ACVR1B: variants seen among roughly 807,000 people sequenced by gnomAD.
The protein encoded by ACVR1B is activin receptor type-1B.
In ACVR1B, 15 loss-of-function variants were observed where a neutral mutation model predicts 55.6. The ratio of observed to expected loss-of-function variants is 0.27; its 90% CI spans 0.18 to 0.42. The LOEUF is 0.42. ACVR1B is among the 10% of genes least tolerant of loss of function. ACVR1B has a pLI of 1.00. For missense variants in ACVR1B, 359 were observed against 670.1 expected (o/e 0.54, Z 5.13); for synonymous variants, 247 against 254.6 (o/e 0.97, Z 0.28).
intron 1 of ACVR1B, chr12:51,953,381 A>C: frequency 1.0e-6 from 1 of 985,406 alleles, no homozygotes; most frequent in Non-Finnish European, 1.2e-6. Flanking sequence ...TCACGGGCTA[A>C]TGCTTCTCCT....
chr12:51,989,707 C>T (rs747889962), intron 7 of ACVR1B, among the ~76,000 whole-genome samples: 1 of 152,038 alleles, frequency 6.6e-6, no homozygotes, highest in Admixed American at 6.6e-5. Flanking sequence ...AACATTAGGC[C>T]GGGCGCGGTG....
chr12:51,963,642 G>A (rs1161816865), intron 1 of ACVR1B, among the ~76,000 whole-genome samples: 3 of 152,136 alleles, frequency 2.0e-5, no homozygotes, highest in Non-Finnish European at 4.4e-5. Context: ...TCTTTTCAGG[G>A]CTGAATAATA....
At chr12:51,986,795 C>G in intron 6 of ACVR1B, 23 bp from the exon 7 acceptor site, 1 of 1,598,926 alleles carries the variant, frequency 6.3e-7, no homozygotes, top group Non-Finnish European at 8.5e-7. Flanking sequence ...CTGTGCGTGA[C>G]CATGTTTGTT....
At chr12:51,960,973 C>CTA (rs1941511233) in intron 1 of ACVR1B, among the ~76,000 whole-genome samples, 1 of 143,318 alleles carries the variant, frequency 7.0e-6, no homozygotes, top group Admixed American at 8.3e-5. Context: ...TGTCAATTTA[C>CTA]TCTGAACCCA....
intron 4 of ACVR1B, 141 bp downstream of exon 4, chr12:51,981,340 T>C: frequency 1.5e-6 from 1 of 672,500 alleles, no homozygotes; most frequent in Non-Finnish European, 2.4e-6. Context: ...TTTCCATGCT[T>C]TCCTTAAAGT....
At chr12:51,976,638 A>G (rs1941863370) in intron 3 of ACVR1B, 63 bp downstream of exon 3, 7 of 1,589,186 alleles carry the variant, frequency 4.4e-6, no homozygotes, top group African/African-American at 1.3e-5. Flanking sequence ...AGCAGGATAG[A>G]GTGCTTGTAG....
intron 1 of ACVR1B, among the ~76,000 whole-genome samples, chr12:51,952,162 G>C (rs954415849): frequency 1.3e-5 from 2 of 152,188 alleles, no homozygotes; most frequent in South Asian, 4.1e-4. Flanking sequence ...CCAAGATTTG[G>C]AGGTCCGTGG....
In ACVR1B at chr12:51,951,766, C is replaced by T. The variant is rs377440332; in HGVS notation, c.23C>T (p.Ser8Phe). The T allele has an allele frequency of 1.0e-5, 13 of 1,290,998 alleles. No individual in the cohort carries two copies. In the African/African-American group the frequency reaches 1.8e-4, roughly 18 times the overall value. 80.0% of individuals were successfully genotyped at this position (1,290,998 alleles called of 1,614,324 possible). MAESAGA[S>F]SFFPLVVLLL... is the part of the protein sequence containing the mutation. The stretch of plus-strand genomic sequence containing the variant: ...ACTATGGCGGAGTCGGCCGGAGCCT[C>T]CTCCTTCTTCCCCCTTGTTGTCCTC... The change falls in exon 1 of 9, where the codon TCC (serine) becomes TTC (phenylalanine). Residue 8 changes from serine (S) to phenylalanine (F), a missense_variant. Physicochemically the swap from Ser to Phe is radical, Grantham distance 155. Coordinates refer to ENST00000257963, the MANE Select transcript of ACVR1B (RefSeq NM_004302.5).
chr12:51,982,578 C>G (rs1448428272), intron 4 of ACVR1B: 1 of 1,277,178 alleles, frequency 7.8e-7, no homozygotes, highest in African/African-American at 1.5e-5. Flanking sequence ...GGAAGGGTCT[C>G]TCTAGCAGTT....
At chr12:51,958,145 A>G (rs1452921169) in intron 1 of ACVR1B, among the ~76,000 whole-genome samples, 1 of 152,204 alleles carries the variant, frequency 6.6e-6, no homozygotes, top group African/African-American at 2.4e-5. Flanking sequence ...TTTTGTTAGA[A>G]CTGTATACAA....
chr12:51,977,067 G>A (rs7298359), intron 3 of ACVR1B, among the ~76,000 whole-genome samples: 11,338 of 152,158 alleles, frequency 0.075, 1,183 homozygotes, highest in African/African-American at 0.23. Flanking sequence ...TTTTTGGTGG[G>A]GGTGAAAATA....
At chr12:51,955,020 A>G (rs1013963821) in intron 1 of ACVR1B, among the ~76,000 whole-genome samples, 1 of 152,194 alleles carries the variant, frequency 6.6e-6, no homozygotes, top group Non-Finnish European at 1.5e-5. Context: ...TACATCGTCG[A>G]CTAGGCAGCA....
chr12:51,994,751 C>T lies in ACVR1B; in HGVS notation c.*641C>T, dbSNP rs999716502. On this transcript the variant is annotated 3_prime_UTR_variant, in exon 9 of 9. Transcript: ENST00000257963. This position sits in a 1 kb window ranked among gnomAD's most constrained non-coding sequence, Gnocchi z 4.2. The stretch of plus-strand genomic sequence containing the variant: ...GAGTGTGTGTGTGTGTCTGTAGGTG[C>T]GCACTTACCTGCTTGAGCTTTCTGT... 6 of 153,126 alleles carry T rather than the reference C, an allele frequency of 3.9e-5. No individual in the cohort carries two copies. The highest frequency in any genetic ancestry group is 7.3e-5 in the Non-Finnish European group (5 of 68,550). 9.5% of individuals were successfully genotyped at this position (153,126 alleles called of 1,614,324 possible).
At chr12:51,984,232 A>G in intron 5 of ACVR1B, 66 bp downstream of exon 5, 1 of 1,560,036 alleles carries the variant, frequency 6.4e-7, no homozygotes. Flanking sequence ...GTCCTGATTT[A>G]GTTCCTAGAA....
chr12:51,991,372 T>A (rs1422020463), intron 7 of ACVR1B, among the ~76,000 whole-genome samples: 1 of 152,114 alleles, frequency 6.6e-6, no homozygotes, highest in Non-Finnish European at 1.5e-5. Context: ...TGAAAAAAAA[T>A]GTTCCTGGCT....
At chr12:51,976,718 T>C in intron 3 of ACVR1B, 143 bp downstream of exon 3, 2 of 1,071,320 alleles carry the variant, frequency 1.9e-6, no homozygotes, top group South Asian at 3.1e-5. Context: ...CCCCTTCTTT[T>C]GGAGTCTGAC....
At chr12:51,952,459 C>A (rs1184128188) in intron 1 of ACVR1B, among the ~76,000 whole-genome samples, 1 of 152,192 alleles carries the variant, frequency 6.6e-6, no homozygotes, top group Non-Finnish European at 1.5e-5. Flanking sequence ...CCCTTGAGTT[C>A]AGTGGGGCAA....
At chr12:51,974,515 G>T (rs1941807103) in intron 1 of ACVR1B, among the ~76,000 whole-genome samples, 1 of 152,172 alleles carries the variant, frequency 6.6e-6, no homozygotes, top group Non-Finnish European at 1.5e-5. Flanking sequence ...ATTCGTGTGT[G>T]TGTGTGTGCG....
intron 5 of ACVR1B, 47 bp downstream of exon 5, chr12:51,984,213 G>A: frequency 6.2e-7 from 1 of 1,602,086 alleles, no homozygotes; most frequent in African/African-American, 1.3e-5. Flanking sequence ...GGCATGAAAG[G>A]TCCGCAGTGT....
Sources: allele counts gnomAD v4.1 joint callset (sites outside exome capture counted in the v4.1 genomes callset), GRCh38; gene constraint gnomAD v4.1.1; non-coding constraint Gnocchi (gnomAD v3.1); transcripts MANE v1.5; gene names NCBI Gene and HGNC (gene_info 2026-07-23, HGNC 2026-07-21).